Variants in ADAMTS17 observed in about 807,000 individuals in gnomAD.
The protein encoded by ADAMTS17 is A disintegrin and metalloproteinase with thrombospondin motifs 17.
In ADAMTS17, 113 loss-of-function variants were observed where a neutral mutation model predicts 141.5. The observed-to-expected ratio is 0.80, with a 90% CI of 0.69 to 0.93. ADAMTS17 has a LOEUF of 0.93. Among genes scored for constraint, ADAMTS17 ranks in the 40% least tolerant of loss-of-function variants. The pLI is 0.00. For missense variants in ADAMTS17, 1,659 were observed against 1,517.9 expected, an observed-to-expected ratio of 1.09 and a Z score of -1.54; for synonymous variants, 768 against 630.6, an observed-to-expected ratio of 1.22 and a Z score of -3.27.
chr15:100,236,030 G>A (rs1432908334), intron 7 of ADAMTS17, among the ~76,000 whole-genome samples: 2 of 152,038 alleles, frequency 1.3e-5, no homozygotes, highest in African/African-American at 4.8e-5. Context: ...TCGATTCCTT[G>A]CATGACAGTC....
At chr15:100,021,459 C>G (rs2061406001) in intron 18 of ADAMTS17, among the ~76,000 whole-genome samples, 1 of 152,186 alleles carries the variant, frequency 6.6e-6, no homozygotes, top group African/African-American at 2.4e-5. Context: ...ATAACAGTCT[C>G]CTAACTGCAC....
intron 8 of ADAMTS17, among the ~76,000 whole-genome samples, chr15:100,155,636 T>C (rs920479253): frequency 2.6e-5 from 4 of 152,268 alleles, no homozygotes; most frequent in Admixed American, 6.5e-5. Flanking sequence ...AAGCTTCTGA[T>C]GGCTAGACTT....
At chr15:100,217,154 C>T (rs930780516) in intron 7 of ADAMTS17, among the ~76,000 whole-genome samples, 1 of 152,114 alleles carries the variant, frequency 6.6e-6, no homozygotes, top group Admixed American at 6.6e-5. Context: ...ATATAAAATA[C>T]CTGTGTTTCC....
At chr15:100,064,276 C>T (rs1032675998) in intron 15 of ADAMTS17, among the ~76,000 whole-genome samples, 2 of 152,216 alleles carry the variant, frequency 1.3e-5, no homozygotes, top group Admixed American at 6.5e-5. Context: ...GATCCTCCCT[C>T]GTGACCTGCA....
chr15:100,087,551 A>G (rs546192780), intron 15 of ADAMTS17, among the ~76,000 whole-genome samples: 47 of 152,312 alleles, frequency 3.1e-4, no homozygotes, highest in African/African-American at 1.1e-3. Context: ...AGAATTTTAG[A>G]CCAATATCCT....
At chr15:100,214,512 T>TA (rs1016219324) in intron 7 of ADAMTS17, among the ~76,000 whole-genome samples, 3 of 152,118 alleles carry the variant, frequency 2.0e-5, no homozygotes, top group Admixed American at 6.5e-5. Context: ...TTTTTTTAAT[T>TA]AAAAAAGTAT....
At chr15:100,001,872 G>A (rs1274935318) in intron 18 of ADAMTS17, among the ~76,000 whole-genome samples, 1 of 150,020 alleles carries the variant, frequency 6.7e-6, no homozygotes, top group East Asian at 1.9e-4. Context: ...GGGAGGCTGA[G>A]GTGAGAGAAC....
chr15:100,298,330 C>A (rs2141796050), intron 3 of ADAMTS17, among the ~76,000 whole-genome samples: 1 of 152,230 alleles, frequency 6.6e-6, no homozygotes, highest in South Asian at 2.1e-4. Context: ...TCCAGACTCC[C>A]AGCCAGGAAG....
chr15:100,086,279 T>C (rs1401313954), intron 15 of ADAMTS17, among the ~76,000 whole-genome samples: 2 of 151,956 alleles, frequency 1.3e-5, no homozygotes, highest in Non-Finnish European at 2.9e-5. Context: ...AAGGGATCAA[T>C]TCAACAAGAA....
intron 7 of ADAMTS17, among the ~76,000 whole-genome samples, chr15:100,200,407 G>A (rs2041281952): frequency 6.6e-6 from 1 of 152,104 alleles, no homozygotes; most frequent in Admixed American, 6.5e-5. Flanking sequence ...GCGAGCCCAT[G>A]CCGGCCGCAC....
intron 8 of ADAMTS17, among the ~76,000 whole-genome samples, chr15:100,179,727 A>G (rs1185157034): frequency 1.3e-5 from 2 of 152,222 alleles, no homozygotes; most frequent in African/African-American, 4.8e-5. Flanking sequence ...TCTTTTGGAT[A>G]AAAGCCTTTA....
intron 7 of ADAMTS17, among the ~76,000 whole-genome samples, chr15:100,252,178 T>A (rs1249818662): frequency 6.6e-6 from 1 of 152,226 alleles, no homozygotes; most frequent in Non-Finnish European, 1.5e-5. Context: ...AAAGCTTTTA[T>A]ATATTCAAAA....
chr15:100,289,998 C>T (rs779759473), intron 3 of ADAMTS17, among the ~76,000 whole-genome samples: 1 of 152,108 alleles, frequency 6.6e-6, no homozygotes, highest in Non-Finnish European at 1.5e-5. Flanking sequence ...CAACCTAGTA[C>T]TGGAAGTCCT....
chr15:100,193,365 A>T (rs1413973911), intron 8 of ADAMTS17, among the ~76,000 whole-genome samples: 2 of 152,052 alleles, frequency 1.3e-5, no homozygotes, highest in Admixed American at 1.3e-4. Context: ...GGTGCATGGA[A>T]CTCAGGGTGA....
Position 100,242,545 on chromosome 15 carries a change from C to G in ADAMTS17, c.1075+11591G>C, listed in dbSNP as rs545003933. Among the ~76,000 whole-genome samples the G allele has an allele frequency of 1.7e-3, 265 of 152,290 alleles. 1 individual carries two copies. The highest frequency in any genetic ancestry group is 3.4e-3 in the Admixed American group (52 of 15,294). On this transcript the variant is annotated intron_variant, in intron 7 of 21. Coordinates refer to ENST00000268070, the MANE Select transcript of ADAMTS17 (RefSeq NM_139057.4). ...GTGACACTTCTTAACATGCCCCCTC[C>G]TCTCTCCATCCTCTCCCACACACTG...
At chr15:100,125,949 C>T (rs111539902) in intron 12 of ADAMTS17, among the ~76,000 whole-genome samples, 14 of 152,016 alleles carry the variant, frequency 9.2e-5, no homozygotes, top group African/African-American at 3.4e-4. Context: ...AGAAGGGGGT[C>T]GTGGGAGCGT....
intron 18 of ADAMTS17, among the ~76,000 whole-genome samples, chr15:100,014,563 T>C (rs1175029034): frequency 6.6e-6 from 1 of 152,230 alleles, no homozygotes; most frequent in Admixed American, 6.5e-5. Flanking sequence ...GTTGTGTCAT[T>C]ACTGTCGTTC....
intron 14 of ADAMTS17, among the ~76,000 whole-genome samples, chr15:100,108,431 C>A (rs937543985): frequency 1.3e-5 from 2 of 152,194 alleles, no homozygotes; most frequent in Non-Finnish European, 2.9e-5. Context: ...GCCTCGGCCT[C>A]CCAAAGTGCT....
At chr15:100,071,585 G>A (rs1234875518) in intron 15 of ADAMTS17, among the ~76,000 whole-genome samples, 1 of 150,384 alleles carries the variant, frequency 6.6e-6, no homozygotes, top group Non-Finnish European at 1.5e-5. Context: ...TCATCCCTAG[G>A]ATGCAAGGCT....
Sources: gnomAD v4.1 joint callset for allele counts (sites outside exome capture counted in the v4.1 genomes callset) on GRCh38, gnomAD v4.1.1 for gene constraint, MANE v1.5 for transcripts, NCBI Gene and HGNC (gene_info 2026-07-23, HGNC 2026-07-21) for gene names.